SLX4IP: variants seen among roughly 807,000 people sequenced by gnomAD.
SLX4IP encodes SLX4 interacting protein, also known as protein SLX4IP.
SLX4IP carries 34 observed loss-of-function variants against 32.9 expected under a neutral mutation model. That is an observed-to-expected ratio of 1.03 (90% CI 0.79 to 1.38). SLX4IP has a LOEUF of 1.38. Among genes scored for constraint, SLX4IP ranks in the 40% most tolerant of loss-of-function variants. SLX4IP has a pLI of 0.00. For synonymous variants in SLX4IP, 172 were observed against 171.7 expected (o/e 1.00, Z -0.01); for missense variants, 444 against 479.0 (o/e 0.93, Z 0.68).
chr20:10,623,285 C>T lies in SLX4IP; in HGVS notation c.1133C>T (p.Ala378Val). The T allele has an allele frequency of 6.2e-7, 1 of 1,614,088 alleles. No homozygotes were observed. The highest frequency in any genetic ancestry group is 2.2e-5 in the East Asian group (1 of 44,862). ...CTTATGAAAAATAACCCAGGGCAGG[C>T]ACAGCAAACCGGCTTAGCCACAAAC... ...RHLMKNNPGQ[A>V]QQTGLATNTE... Residue 378 changes from alanine to valine, a missense_variant, in exon 8 of 8, where the codon GCA becomes GTA. By Grantham distance (64) the Ala-to-Val change is moderately conservative. Transcript: ENST00000334534.
At position 10,562,415 on chromosome 20, in the gene SLX4IP, G is replaced by A. The variant is rs188808518; in HGVS notation, c.238+1595G>A. 1.1e-4 allele frequency among the ~76,000 whole-genome samples: 17 copies of A among 152,238 alleles called. No homozygotes were observed. In the East Asian group the frequency reaches 2.3e-3, roughly 21 times the overall value. ...CCCTGGCAGAATTTCACGTTATCCC[G>A]CTGTCCATGGCCTGCCGGAATCTGC... On this transcript the variant is annotated intron_variant, in intron 4 of 7. Coordinates refer to ENST00000334534, the MANE Select transcript of SLX4IP (RefSeq NM_001009608.3).
At chr20:10,561,516 A>G (rs892819527) in intron 4 of SLX4IP, among the ~76,000 whole-genome samples, 2 of 150,442 alleles carry the variant, frequency 1.3e-5, no homozygotes, top group Admixed American at 6.6e-5. Flanking sequence ...TCAAATTTTA[A>G]TATGTCTATA....
chr20:10,470,727 C>A (rs2065418258), intron 2 of SLX4IP, among the ~76,000 whole-genome samples: 1 of 152,138 alleles, frequency 6.6e-6, no homozygotes, highest in Non-Finnish European at 1.5e-5. Context: ...CATCCGGATC[C>A]TTATTACCTG....
intron 4 of SLX4IP, among the ~76,000 whole-genome samples, chr20:10,574,303 A>G (rs976511063): frequency 1.7e-4 from 26 of 152,208 alleles, no homozygotes; most frequent in African/African-American, 6.0e-4. Flanking sequence ...TCAAACTTCA[A>G]TTTGAACCAT....
chr20:10,468,447 A>C (rs552269774), intron 2 of SLX4IP, among the ~76,000 whole-genome samples: 6 of 152,104 alleles, frequency 3.9e-5, no homozygotes, highest in Non-Finnish European at 7.4e-5. Flanking sequence ...TCTAATCTGA[A>C]CTCTCCAGCT....
At chr20:10,469,776 A>G (rs1051036359) in intron 2 of SLX4IP, among the ~76,000 whole-genome samples, 1 of 152,226 alleles carries the variant, frequency 6.6e-6, no homozygotes, top group Non-Finnish European at 1.5e-5. Flanking sequence ...GTGCTTTTAC[A>G]GTCGTTGGCT....
intron 6 of SLX4IP, chr20:10,613,153 C>G (rs1480994057): frequency 4.5e-5 from 21 of 463,608 alleles, no homozygotes; most frequent in Admixed American, 3.5e-4. Context: ...TACAGAAGAT[C>G]CATGGAGGCA....
intron 1 of SLX4IP, among the ~76,000 whole-genome samples, chr20:10,444,296 T>C (rs971554261): frequency 6.6e-6 from 1 of 152,122 alleles, no homozygotes; most frequent in South Asian, 2.1e-4. Flanking sequence ...TTATAAACAA[T>C]AGGAATTTAT....
intron 6 of SLX4IP, among the ~76,000 whole-genome samples, chr20:10,621,111 T>C (rs1189691633): frequency 6.6e-6 from 1 of 152,212 alleles, no homozygotes; most frequent in Non-Finnish European, 1.5e-5. Context: ...TGTTAATGTA[T>C]GAAATGTGGA....
intron 4 of SLX4IP, among the ~76,000 whole-genome samples, chr20:10,590,657 G>A (rs747559931): frequency 2.0e-5 from 3 of 152,130 alleles, no homozygotes; most frequent in Non-Finnish European, 4.4e-5. Flanking sequence ...CACCGCACCC[G>A]GCTGAGTATC....
intron 2 of SLX4IP, among the ~76,000 whole-genome samples, chr20:10,544,063 C>G (rs1307624915): frequency 2.0e-5 from 3 of 152,160 alleles, no homozygotes; most frequent in African/African-American, 7.2e-5. Context: ...TGTGCTCCTC[C>G]TCATCCCAGT....
chr20:10,443,849 C>A (rs926384300), intron 1 of SLX4IP, among the ~76,000 whole-genome samples: 8 of 152,170 alleles, frequency 5.3e-5, no homozygotes, highest in African/African-American at 1.9e-4. Context: ...GTGTATAGTA[C>A]CTCTCTCTTC....
chr20:10,578,224 AC>A (rs1320565349), intron 4 of SLX4IP, among the ~76,000 whole-genome samples: 5 of 152,084 alleles, frequency 3.3e-5, no homozygotes, highest in Non-Finnish European at 5.9e-5. Context: ...ATTAGCAGTT[AC>A]TCTTCATTTT....
chr20:10,505,748 A>G (rs1347849636), intron 2 of SLX4IP, among the ~76,000 whole-genome samples: 1 of 152,016 alleles, frequency 6.6e-6, no homozygotes, highest in Non-Finnish European at 1.5e-5. Context: ...CTCATCTTCT[A>G]TTTAATATGT....
chr20:10,450,892 C>G (rs1258349655), intron 1 of SLX4IP, among the ~76,000 whole-genome samples: 1 of 151,742 alleles, frequency 6.6e-6, no homozygotes, highest in Admixed American at 6.6e-5. Context: ...GCTGGGACTA[C>G]AGGCGCCCGC....
At chr20:10,544,950 C>T (rs1186709966) in intron 2 of SLX4IP, among the ~76,000 whole-genome samples, 1 of 152,096 alleles carries the variant, frequency 6.6e-6, no homozygotes, top group African/African-American at 2.4e-5. Context: ...AGCAGGGGCT[C>T]TTAAACTTCA....
At chr20:10,458,310 G>T in intron 2 of SLX4IP, 79 bp downstream of exon 2, 1 of 1,390,126 alleles carries the variant, frequency 7.2e-7, no homozygotes, top group Non-Finnish European at 9.7e-7. Flanking sequence ...ATTGAAAATC[G>T]AGGTTCCTAA....
chr20:10,615,983 C>T (rs1309079450), intron 6 of SLX4IP, among the ~76,000 whole-genome samples: 1 of 152,128 alleles, frequency 6.6e-6, no homozygotes, highest in African/African-American at 2.4e-5. Context: ...ATCACATTGG[C>T]AGCACCTGAA....
chr20:10,585,802 G>T (rs926936816), intron 4 of SLX4IP, among the ~76,000 whole-genome samples: 1 of 151,974 alleles, frequency 6.6e-6, no homozygotes, highest in Non-Finnish European at 1.5e-5. Flanking sequence ...TATTGGTCAG[G>T]CTGGTCTCGA....
Sources: gnomAD v4.1 joint callset for allele counts (sites outside exome capture counted in the v4.1 genomes callset) on GRCh38, gnomAD v4.1.1 for gene constraint, MANE v1.5 for transcripts, NCBI Gene and HGNC (gene_info 2026-07-23, HGNC 2026-07-21) for gene names.